The following ZC2HC1A variants were observed in gnomAD, a reference collection of about 807,000 sequenced individuals.
The protein encoded by ZC2HC1A is zinc finger C2HC domain-containing protein 1A.
A neutral mutation model predicts 40.7 loss-of-function variants in ZC2HC1A; 28 were observed. The ratio of observed to expected loss-of-function variants is 0.69; its 90% CI spans 0.51 to 0.94. The LOEUF (loss-of-function observed/expected upper bound fraction) is 0.94. Among genes scored for constraint, ZC2HC1A ranks in the 40% least tolerant of loss-of-function variants. ZC2HC1A has a pLI of 0.00. For synonymous variants in ZC2HC1A, 129 were observed against 129.2 expected, an observed-to-expected ratio of 1.00 and a Z score of 0.01; for missense variants, 389 against 386.3, an observed-to-expected ratio of 1.01 and a Z score of -0.06.
chr8:78,697,451 A>G lies in ZC2HC1A; in HGVS notation c.549A>G (p.Ala183=). The G allele has an allele frequency of 6.2e-7, 1 of 1,610,368 alleles. No individual in the cohort carries two copies. The highest frequency in any genetic ancestry group is 8.5e-7 in the Non-Finnish European group (1 of 1,179,180). Residue 183 remains alanine (A), a synonymous_variant, in exon 6 of 9, where the codon GCA becomes GCG. Transcript: ENST00000263849. ...AAAAGTCAAATTCTCCTGGAACTGC[A>G]TCATCAGGATCTTCACGATTACCGC... ...ALKKSNSPGT[A]SSGSSRLPQP... is the part of the protein sequence containing the mutation.
At chr8:78,684,639 A>G (rs1809902141) in intron 3 of ZC2HC1A, among the ~76,000 whole-genome samples, 1 of 152,220 alleles carries the variant, frequency 6.6e-6, no homozygotes, top group South Asian at 2.1e-4. Context: ...AGAAATTACT[A>G]CAAACAACAG....
chr8:78,693,171 G>T (rs569117811), intron 5 of ZC2HC1A, among the ~76,000 whole-genome samples: 1 of 152,112 alleles, frequency 6.6e-6, no homozygotes, highest in East Asian at 1.9e-4. Context: ...TTGCTATTGT[G>T]AATAGTGCCG....
intron 1 of ZC2HC1A, among the ~76,000 whole-genome samples, chr8:78,666,501 A>C (rs1809302209): frequency 6.6e-6 from 1 of 152,106 alleles, no homozygotes; most frequent in Non-Finnish European, 1.5e-5. Flanking sequence ...GTCTCTGGCC[A>C]GATTTTGTTT....
chr8:78,667,130 C>G (rs1454539292), intron 1 of ZC2HC1A, among the ~76,000 whole-genome samples: 1 of 152,156 alleles, frequency 6.6e-6, no homozygotes. Context: ...TGTTGCATGC[C>G]AGGGAGTAAA....
At chr8:78,675,561 G>T (rs928174065) in intron 1 of ZC2HC1A, among the ~76,000 whole-genome samples, 1 of 151,784 alleles carries the variant, frequency 6.6e-6, no homozygotes, top group Non-Finnish European at 1.5e-5. Flanking sequence ...TATCAGTTTG[G>T]ATATCTTTAA....
At chr8:78,694,914 T>G (rs1810349601) in intron 5 of ZC2HC1A, among the ~76,000 whole-genome samples, 1 of 152,198 alleles carries the variant, frequency 6.6e-6, no homozygotes, top group Non-Finnish European at 1.5e-5. Flanking sequence ...TATACAAAAT[T>G]GTTGGTTGAT....
chr8:78,703,704 A>G (rs1810679878), intron 7 of ZC2HC1A, among the ~76,000 whole-genome samples: 1 of 152,144 alleles, frequency 6.6e-6, no homozygotes, highest in Non-Finnish European at 1.5e-5. Context: ...TGAAGACAGC[A>G]TACCAATGGA....
intron 2 of ZC2HC1A, among the ~76,000 whole-genome samples, chr8:78,676,901 G>C (rs907269938): frequency 8.6e-5 from 13 of 151,760 alleles, no homozygotes; most frequent in African/African-American, 3.1e-4. Flanking sequence ...GAATTATGTT[G>C]GGAAACAAGC....
chr8:78,706,331 T>TTGC, intron 7 of ZC2HC1A, among the ~76,000 whole-genome samples: 1 of 152,284 alleles, frequency 6.6e-6, no homozygotes, highest in South Asian at 2.1e-4. Flanking sequence ...ACATCCTGCT[T>TTGC]TGCTGGAGTT....
intron 1 of ZC2HC1A, among the ~76,000 whole-genome samples, chr8:78,674,291 T>G (rs1172101412): frequency 6.6e-6 from 1 of 152,184 alleles, no homozygotes; most frequent in East Asian, 1.9e-4. Context: ...CAAATACACT[T>G]TTAAGCAAGT....
At chr8:78,679,990 G>A (rs1428710199) in intron 3 of ZC2HC1A, among the ~76,000 whole-genome samples, 1 of 152,062 alleles carries the variant, frequency 6.6e-6, no homozygotes, top group Non-Finnish European at 1.5e-5. Context: ...TGTTAAAATT[G>A]GCTCAAGAGT....
intron 7 of ZC2HC1A, among the ~76,000 whole-genome samples, chr8:78,708,449 G>A (rs1810849888): frequency 6.6e-6 from 1 of 151,950 alleles, no homozygotes; most frequent in African/African-American, 2.4e-5. Context: ...AGAGTGAGGT[G>A]GGAGAGTCGC....
intron 7 of ZC2HC1A, among the ~76,000 whole-genome samples, chr8:78,702,712 A>T (rs1301779259): frequency 6.6e-6 from 1 of 151,288 alleles, no homozygotes; most frequent in East Asian, 1.9e-4. Flanking sequence ...TAATTTCATT[A>T]TTTATCCAAA....
chr8:78,712,640 C>G (rs1810986594), intron 7 of ZC2HC1A, among the ~76,000 whole-genome samples: 2 of 152,082 alleles, frequency 1.3e-5, no homozygotes, highest in African/African-American at 2.4e-5. Flanking sequence ...GCCAAAGAGT[C>G]AAGCTCGAGG....
Position 78,689,373 on chromosome 8 carries a change from G to A in ZC2HC1A, c.504G>A (p.Val168=). The change falls in exon 5 of 9, where the codon GTG becomes GTA. Residue 168 remains valine, a splice_region_variant and synonymous_variant. Coordinates refer to ENST00000263849, the MANE Select transcript of ZC2HC1A (RefSeq NM_016010.3). The stretch of plus-strand genomic sequence containing the variant: ...GAAAACCAACTTCTCGGACACAGGT[G>A]GTAAGTTCAGTTTTAATAATTGCTA... ...TKGKPTSRTQ[V]YKPPALKKSN... 2 of 1,569,890 alleles carry A rather than the reference G, an allele frequency of 1.3e-6. No homozygotes were observed. Among genetic ancestry groups the A allele is most frequent in the Non-Finnish European group, 8.6e-7 (1 of 1,160,664 alleles).
intron 5 of ZC2HC1A, among the ~76,000 whole-genome samples, chr8:78,697,047 G>T (rs1810444299): frequency 6.6e-6 from 1 of 152,120 alleles, no homozygotes; most frequent in Non-Finnish European, 1.5e-5. Context: ...GTCTAGTTTG[G>T]AAAACCTTTG....
At chr8:78,713,577 A>G (rs1174808543) in intron 7 of ZC2HC1A, among the ~76,000 whole-genome samples, 1 of 152,188 alleles carries the variant, frequency 6.6e-6, no homozygotes, top group Non-Finnish European at 1.5e-5. Flanking sequence ...CAAAGAGGCT[A>G]TACACAAGAG....
At chr8:78,671,424 T>G (rs1247066466) in intron 1 of ZC2HC1A, among the ~76,000 whole-genome samples, 1 of 152,186 alleles carries the variant, frequency 6.6e-6, no homozygotes, top group African/African-American at 2.4e-5. Flanking sequence ...GATATAATAT[T>G]CACCAATAAT....
In ZC2HC1A at chr8:78,669,305, A is replaced by G. The variant is rs139644080; in HGVS notation, c.16+3141A>G. Among the ~76,000 whole-genome samples, 874 of 152,128 alleles carry G rather than the reference A, an allele frequency of 5.7e-3. 6 individuals are homozygous for G. Among genetic ancestry groups the G allele is most frequent in the African/African-American group, 0.02 (828 of 41,490 alleles). On this transcript the variant is annotated intron_variant, in intron 1 of 8. Transcript: ENST00000263849. ...AATCTGAACCCTTATTTTCCCTGCT[A>G]TGAAAAAAATGGAGCTATTAAATAT... is the stretch of plus-strand genomic sequence containing the variant.
Sources: allele counts gnomAD v4.1 joint callset (sites outside exome capture counted in the v4.1 genomes callset), GRCh38; gene constraint gnomAD v4.1.1; transcripts MANE v1.5; gene names NCBI Gene and HGNC (gene_info 2026-07-23, HGNC 2026-07-21).